Variants in HRH1 observed in about 807,000 individuals in gnomAD.
HRH1 encodes histamine receptor H1.
HRH1 carries 6 observed loss-of-function variants against 10.3 expected under a neutral mutation model. The observed-to-expected ratio is 0.58, with a 90% CI of 0.32 to 1.15. The LOEUF (loss-of-function observed/expected upper bound fraction) is 1.15, where lower values mean the gene tolerates loss of function less well. Ranked by LOEUF, HRH1 falls within the 50% of genes most tolerant of loss-of-function variation. The pLI is 0.05. For missense variants in HRH1, 514 were observed against 615.3 expected, an observed-to-expected ratio of 0.84 and a Z score of 1.74; for synonymous variants, 242 against 236.7, an observed-to-expected ratio of 1.02 and a Z score of -0.21.
chr3:11,190,297 A>C (rs1937514550), intron 1 of HRH1, among the ~76,000 whole-genome samples: 1 of 151,648 alleles, frequency 6.6e-6, no homozygotes, highest in Admixed American at 6.6e-5. Context: ...GGATTGTTTG[A>C]ACCCAGGAGT....
At chr3:11,202,709 A>G (rs909625577) in intron 1 of HRH1, among the ~76,000 whole-genome samples, 15 of 152,174 alleles carry the variant, frequency 9.9e-5, no homozygotes, top group Non-Finnish European at 1.8e-4. Flanking sequence ...TGCACTGTCA[A>G]CATCCCCACA....
chr3:11,221,764 A>G (rs1439704190), intron 1 of HRH1, among the ~76,000 whole-genome samples: 2 of 152,024 alleles, frequency 1.3e-5, no homozygotes, highest in African/African-American at 2.4e-5. Flanking sequence ...TCCTTCCCGC[A>G]GCCCCCGGCA....
At chr3:11,143,989 A>C (rs1044487271) in intron 1 of HRH1, among the ~76,000 whole-genome samples, 2 of 152,220 alleles carry the variant, frequency 1.3e-5, no homozygotes, top group Admixed American at 6.5e-5. Context: ...GCAAATTGAA[A>C]CTATAATGAG....
At chr3:11,231,840 T>G (rs1410063008) in intron 1 of HRH1, among the ~76,000 whole-genome samples, 1 of 152,152 alleles carries the variant, frequency 6.6e-6, no homozygotes, top group African/African-American at 2.4e-5. Flanking sequence ...TGGGGTCCAA[T>G]TCATTGTTTT....
At chr3:11,190,928 C>T (rs889541705) in intron 1 of HRH1, among the ~76,000 whole-genome samples, 2 of 152,152 alleles carry the variant, frequency 1.3e-5, no homozygotes, top group African/African-American at 4.8e-5. Flanking sequence ...CATGCTGCCT[C>T]CGAGGCCACA....
intron 1 of HRH1, among the ~76,000 whole-genome samples, chr3:11,198,222 G>A (rs1054462001): frequency 4.6e-5 from 7 of 152,136 alleles, no homozygotes; most frequent in East Asian, 3.9e-4. Flanking sequence ...CTTGCCCGCC[G>A]AGGAGTTCAG....
intron 1 of HRH1, among the ~76,000 whole-genome samples, chr3:11,254,285 C>T (rs1328753806): frequency 6.6e-6 from 1 of 152,170 alleles, no homozygotes; most frequent in Non-Finnish European, 1.5e-5. Flanking sequence ...TATCCTTCTC[C>T]ATATGCTTCT....
At chr3:11,232,537 A>G (rs75825655) in intron 1 of HRH1, among the ~76,000 whole-genome samples, 4,805 of 152,230 alleles carry the variant, frequency 0.032, 261 homozygotes, top group African/African-American at 0.11. Flanking sequence ...AGCTATTAAT[A>G]TATAGTAGTT....
intron 1 of HRH1, chr3:11,253,109 TA>T (rs1243156715): frequency 2.6e-5 from 4 of 152,252 alleles, no homozygotes; most frequent in Admixed American, 2.6e-4. Flanking sequence ...ATTTTTGCTC[TA>T]AATCCTTCTC....
chr3:11,237,223 C>T (rs1404284390), intron 1 of HRH1, among the ~76,000 whole-genome samples: 1 of 152,192 alleles, frequency 6.6e-6, no homozygotes, highest in Non-Finnish European at 1.5e-5. Flanking sequence ...TTATTTTCCT[C>T]TTTTCACAGT....
At chr3:11,171,828 GT>G (rs1188744243) in intron 1 of HRH1, among the ~76,000 whole-genome samples, 1 of 152,222 alleles carries the variant, frequency 6.6e-6, no homozygotes, top group Non-Finnish European at 1.5e-5. Context: ...TCCTACCTCT[GT>G]TGTCTCATCT....
rs550657224 is a variant in HRH1, at chr3:11,257,823, A to T, written c.-35-1180A>T. On this transcript the variant is annotated intron_variant, in intron 1 of 1. Coordinates refer to ENST00000431010, the MANE Select transcript of HRH1 (RefSeq NM_001098212.2). Reference sequence around the variant, plus strand: ...TGTATTATAGGACAATTTTTAAAAAATTTCATTGTAAAGACAGGATTCCAC... The same window carrying T: ...TGTATTATAGGACAATTTTTAAAAATTTTCATTGTAAAGACAGGATTCCAC... Among the ~76,000 whole-genome samples the T allele has an allele frequency of 5.7e-4, 87 of 152,242 alleles. 1 individual carries two copies. The highest frequency in any genetic ancestry group is 1.6e-3 in the African/African-American group (65 of 41,548).
intron 1 of HRH1, among the ~76,000 whole-genome samples, chr3:11,216,916 G>A (rs1200972923): frequency 6.6e-6 from 1 of 151,866 alleles, no homozygotes; most frequent in East Asian, 1.9e-4. Context: ...GGGTGTGGTG[G>A]CTCATGCCTG....
At chr3:11,162,848 G>A (rs1354079104) in intron 1 of HRH1, among the ~76,000 whole-genome samples, 1 of 152,072 alleles carries the variant, frequency 6.6e-6, no homozygotes, top group Non-Finnish European at 1.5e-5. Context: ...GGTTATTCTT[G>A]GGTTTTGTTT....
chr3:11,218,704 T>C (rs1575021415), intron 1 of HRH1, among the ~76,000 whole-genome samples: 1 of 148,766 alleles, frequency 6.7e-6, no homozygotes, highest in East Asian at 2.1e-4. Context: ...GTCTCCTGAG[T>C]AGCTGGGATT....
At chr3:11,141,773 G>C (rs1301995746) in intron 1 of HRH1, among the ~76,000 whole-genome samples, 2 of 152,096 alleles carry the variant, frequency 1.3e-5, no homozygotes, top group South Asian at 2.1e-4. Context: ...ATTCAGTGTG[G>C]GTTACCCAAG....
intron 1 of HRH1, among the ~76,000 whole-genome samples, chr3:11,221,731 A>C (rs1222747522): frequency 6.6e-6 from 1 of 152,068 alleles, no homozygotes; most frequent in East Asian, 1.9e-4. Flanking sequence ...TTCTGTACCC[A>C]TTAAACACTA....
At chr3:11,180,315 C>T (rs1937327910) in intron 1 of HRH1, among the ~76,000 whole-genome samples, 1 of 152,140 alleles carries the variant, frequency 6.6e-6, no homozygotes, top group Admixed American at 6.5e-5. Flanking sequence ...ACAATTTTTC[C>T]ACGGACGGGG....
At position 11,223,045 on chromosome 3, in the gene HRH1, C is replaced by T. The variant is rs866388625; in HGVS notation, c.-35-35958C>T. Among the ~76,000 whole-genome samples, 2 of 151,482 alleles carry T rather than the reference C, an allele frequency of 1.3e-5. 1 individual carries two copies. Among genetic ancestry groups the T allele is most frequent in the Middle Eastern group, 6.9e-3 (2 of 288 alleles). ...ACTAAAAATACAAAAATTAGCTGGG[C>T]ATGGTGGCGCGTGCCTGTAGTCCCA... On this transcript the variant is annotated intron_variant, in intron 1 of 1. Transcript: ENST00000431010.
Sources: allele counts gnomAD v4.1 joint callset (sites outside exome capture counted in the v4.1 genomes callset), GRCh38; gene constraint gnomAD v4.1.1; transcripts MANE v1.5; gene names NCBI Gene and HGNC (gene_info 2026-07-23, HGNC 2026-07-21).